MANBA: variants seen among roughly 807,000 people sequenced by gnomAD.
MANBA encodes beta-mannosidase.
In MANBA, 83 loss-of-function variants were observed where a neutral mutation model predicts 111.1. That is an observed-to-expected ratio of 0.75 (90% CI 0.63 to 0.90). The LOEUF (loss-of-function observed/expected upper bound fraction) is 0.90, where lower values mean the gene tolerates loss of function less well. MANBA is among the 40% of genes least tolerant of loss of function. The probability of loss-of-function intolerance (pLI) is 0.00; values close to 1 mark genes in which losing one functional copy is unlikely to be tolerated. For missense variants in MANBA, 1,036 were observed against 1,069.0 expected (o/e 0.97, Z 0.43); for synonymous variants, 370 against 378.7 (o/e 0.98, Z 0.27).
At position 102,639,844 on chromosome 4, in the gene MANBA, T is replaced by C; in HGVS notation, c.1883A>G (p.Gln628Arg). Residue 628 changes from glutamine to arginine, a missense_variant, in exon 14 of 17, where the codon CAG becomes CGG. Transcript: ENST00000647097. ...TIYLTQVMQA[Q>R]CVKTETEFYR... Reference sequence around the variant, plus strand: ...GAATTCAGTTTCTGTTTTGACACACTGGGCCTGCATCACCTGATTCAGGAA... The same window carrying C: ...GAATTCAGTTTCTGTTTTGACACACCGGGCCTGCATCACCTGATTCAGGAA... 2 of 1,614,130 alleles carry C rather than the reference T, an allele frequency of 1.2e-6. No homozygotes were observed. Among genetic ancestry groups the C allele is most frequent in the Non-Finnish European group, 1.7e-6 (2 of 1,179,984 alleles).
chr4:102,723,077 G>T, intron 3 of MANBA, 36 bp from the exon 4 acceptor site: 2 of 1,580,718 alleles, frequency 1.3e-6, no homozygotes, highest in Non-Finnish European at 1.7e-6. Context: ...AACCCATGAT[G>T]TGGAAGTAGT....
chr4:102,760,843 C>A lies in MANBA; in HGVS notation c.52G>T (p.Ala18Ser), dbSNP rs531649175. The A allele has an allele frequency of 7.6e-6, 12 of 1,570,694 alleles. No homozygotes were observed. Among genetic ancestry groups the A allele is most frequent in the Admixed American group, 1.8e-5 (1 of 54,228 alleles). Residue 18 changes from alanine to serine, a missense_variant, in exon 1 of 17, where the codon GCC (alanine) becomes TCC (serine). Coordinates refer to ENST00000647097, the MANE Select transcript of MANBA (RefSeq NM_005908.4). ...CGCAAGCTGTAACTGAGCTCCGCGG[C>A]GGTGGTGCCTGCACCGCACAGCGCG... ...LLALCGAGTT[A>S]AELSYSLRGN...
In MANBA at chr4:102,700,911, C is replaced by A. The variant is rs576503961; in HGVS notation, c.674-10140G>T. Among the ~76,000 whole-genome samples the A allele has an allele frequency of 7.5e-3, 1,134 of 152,014 alleles. 5 individuals carry two copies. The highest frequency in any genetic ancestry group is 0.011 in the Non-Finnish European group (769 of 67,972). ...AGAGCTGAGTTCAATTCCTGGGTAT[C>A]CTTGTTAACTTTCTGTCTCGTTGAT... On this transcript the variant is annotated intron_variant, in intron 5 of 16. Transcript: ENST00000647097.
At chr4:102,701,189 T>C (rs1733020591) in intron 5 of MANBA, among the ~76,000 whole-genome samples, 1 of 151,764 alleles carries the variant, frequency 6.6e-6, no homozygotes, top group South Asian at 2.1e-4. Flanking sequence ...AACCCCTGCC[T>C]TTTTTTGTTT....
At chr4:102,638,968 C>T (rs1340908040) in intron 14 of MANBA, among the ~76,000 whole-genome samples, 3 of 152,168 alleles carry the variant, frequency 2.0e-5, no homozygotes, top group African/African-American at 4.8e-5. Context: ...GGCCTTGCCT[C>T]GTTTTTGACC....
At chr4:102,754,717 G>A (rs531669379) in intron 1 of MANBA, among the ~76,000 whole-genome samples, 23 of 151,838 alleles carry the variant, frequency 1.5e-4, no homozygotes, top group East Asian at 3.9e-4. Flanking sequence ...CCACCACGCC[G>A]GACTAATTTT....
At chr4:102,664,954 A>C (rs1270232174) in intron 10 of MANBA, 102 bp from the exon 11 acceptor site, 2 of 905,992 alleles carry the variant, frequency 2.2e-6, no homozygotes, top group Non-Finnish European at 3.4e-6. Flanking sequence ...TCTGCACATA[A>C]ATTCTTATGT....
At chr4:102,657,230 G>A (rs543340786) in intron 12 of MANBA, among the ~76,000 whole-genome samples, 14 of 111,992 alleles carry the variant, frequency 1.3e-4, no homozygotes, top group South Asian at 7.8e-4. Flanking sequence ...GGTGGGGGGG[G>A]GGTGGGCGGT....
intron 7 of MANBA, among the ~76,000 whole-genome samples, chr4:102,674,870 C>T (rs1403824919): frequency 6.6e-6 from 1 of 152,192 alleles, no homozygotes. Flanking sequence ...AAGCCAAAAG[C>T]ACACATTTCT....
chr4:102,745,169 G>A (rs570307901), intron 1 of MANBA, among the ~76,000 whole-genome samples: 1 of 152,318 alleles, frequency 6.6e-6, no homozygotes, highest in East Asian at 1.9e-4. Flanking sequence ...CAGAGCCAGT[G>A]TCCAGTAGTC....
In MANBA at chr4:102,664,850, G is replaced by T; in HGVS notation, c.1320C>A (p.Ile440=). The change falls in exon 11 of 17, where the codon ATC becomes ATA. Residue 440 remains isoleucine (I), a splice_region_variant and synonymous_variant. Transcript: ENST00000647097. ...DSVTAEVAYQ[I]KRLKSHPSII... ...TAGAAGGATGAGATTTCAGTCTCTTGATCTGAAAATTAAGAAAACATAAAA... is the reference window on the plus strand; with the variant it reads ...TAGAAGGATGAGATTTCAGTCTCTTTATCTGAAAATTAAGAAAACATAAAA... 6.3e-7 allele frequency: 1 copy of T among 1,596,162 alleles called. No individual in the cohort carries two copies. Among genetic ancestry groups the T allele is most frequent in the South Asian group, 1.1e-5 (1 of 90,688 alleles).
At chr4:102,708,807 A>G (rs1199433118) in intron 5 of MANBA, among the ~76,000 whole-genome samples, 1 of 151,906 alleles carries the variant, frequency 6.6e-6, no homozygotes, top group Non-Finnish European at 1.5e-5. Context: ...ACTTTAGACC[A>G]AATGAACCTA....
intron 1 of MANBA, among the ~76,000 whole-genome samples, chr4:102,760,221 A>G (rs945267179): frequency 1.6e-4 from 24 of 152,180 alleles, no homozygotes; most frequent in African/African-American, 5.8e-4. Context: ...CTTGTAGGTC[A>G]TTCTCCACAA....
At chr4:102,728,237 G>A in intron 1 of MANBA, 1 of 536,642 alleles carries the variant, frequency 1.9e-6, no homozygotes. Context: ...TTCTTTGGCA[G>A]CATTCTCCAC....
intron 1 of MANBA, chr4:102,753,880 C>A (rs1055040766): frequency 2.1e-5 from 9 of 419,652 alleles, no homozygotes; most frequent in Middle Eastern, 7.3e-4. Flanking sequence ...CTCAGGAGAT[C>A]GAGACCAGCT....
Position 102,731,585 on chromosome 4 carries a change from T to G in MANBA, c.178-4902A>C, listed in dbSNP as rs538257142. Among the ~76,000 whole-genome samples, 3 of 152,288 alleles carry G rather than the reference T, an allele frequency of 2.0e-5. No homozygotes were observed. The East Asian group carries it at 5.8e-4, about 29-fold the overall frequency. ...ATTCAGCTCACTACATGTCTCTGTG[T>G]GGCTAGCAAGCTAAGTAAGAATGGA... is the stretch of plus-strand genomic sequence containing the variant. On this transcript the variant is annotated intron_variant, in intron 1 of 16. Transcript: ENST00000647097.
intron 4 of MANBA, among the ~76,000 whole-genome samples, chr4:102,717,506 A>G (rs1722390070): frequency 6.7e-6 from 1 of 149,928 alleles, no homozygotes; most frequent in African/African-American, 2.5e-5. Context: ...CTGCAGCCTC[A>G]ACCTCCAGGC....
At chr4:102,751,733 A>T (rs532969462) in intron 1 of MANBA, 75 of 540,596 alleles carry the variant, frequency 1.4e-4, no homozygotes, top group South Asian at 1.0e-3. Flanking sequence ...GGGCAAAGGA[A>T]TGGATCTTGA....
intron 1 of MANBA, among the ~76,000 whole-genome samples, chr4:102,747,787 G>A (rs150984266): frequency 6.6e-6 from 1 of 152,302 alleles, no homozygotes; most frequent in East Asian, 1.9e-4. Flanking sequence ...GAAAAAAGTT[G>A]CAGTTTAAGG....
Sources: allele counts gnomAD v4.1 joint callset (sites outside exome capture counted in the v4.1 genomes callset), GRCh38; gene constraint gnomAD v4.1.1; transcripts MANE v1.5; gene names NCBI Gene and HGNC (gene_info 2026-07-23, HGNC 2026-07-21).